The following CALN1 variants were observed in gnomAD, a reference collection of about 807,000 sequenced individuals.
CALN1 encodes the protein calneuron 1.
Under a neutral mutation model 30.6 loss-of-function variants are expected in CALN1, and 17 were observed. The observed-to-expected ratio is 0.56, with a 90% CI of 0.38 to 0.83. CALN1 has a LOEUF of 0.83. Among genes scored for constraint, CALN1 ranks in the 40% least tolerant of loss-of-function variants. The pLI, the probability that CALN1 is intolerant of heterozygous loss-of-function variation, is 0.00. For synonymous variants in CALN1, 156 were observed against 131.4 expected, an observed-to-expected ratio of 1.19 and a Z score of -1.28; for missense variants, 291 against 354.9, an observed-to-expected ratio of 0.82 and a Z score of 1.45.
chr7:72,410,522 C>A (rs1280665491), intron 1 of CALN1, among the ~76,000 whole-genome samples: 1 of 152,116 alleles, frequency 6.6e-6, no homozygotes, highest in Non-Finnish European at 1.5e-5. Flanking sequence ...ACAAGCAAAG[C>A]CAAAATTTTA....
At chr7:72,365,059 C>A (rs981823443) in intron 2 of CALN1, among the ~76,000 whole-genome samples, 1 of 151,958 alleles carries the variant, frequency 6.6e-6, no homozygotes, top group African/African-American at 2.4e-5. Flanking sequence ...AATCCCAGCA[C>A]TTTGGGAGGC....
the CALN1 span, among the ~76,000 whole-genome samples, chr7:72,486,901 T>C: frequency 6.6e-6 from 1 of 152,222 alleles, no homozygotes; most frequent in Admixed American, 6.5e-5. Flanking sequence ...AGTTATATAG[T>C]TATAGAATGC....
chr7:72,204,530 T>C (rs1791691012), intron 3 of CALN1, among the ~76,000 whole-genome samples: 1 of 152,170 alleles, frequency 6.6e-6, no homozygotes, highest in African/African-American at 2.4e-5. Context: ...CAATATACTA[T>C]GTAATGTGGC....
At chr7:72,501,931 ATAT>A in the CALN1 span, among the ~76,000 whole-genome samples, 1 of 82,118 alleles carries the variant, frequency 1.2e-5, no homozygotes, top group African/African-American at 6.7e-5. Context: ...AAAAAAAAAT[ATAT>A]ATATATATAT....
intron 2 of CALN1, among the ~76,000 whole-genome samples, chr7:72,370,613 C>T (rs375493803): frequency 2.7e-5 from 4 of 150,784 alleles, no homozygotes; most frequent in East Asian, 3.9e-4. Flanking sequence ...GCCGAGATCA[C>T]GCCACTGCAC....
chr7:72,188,465 A>G (rs1790363785), intron 3 of CALN1, among the ~76,000 whole-genome samples: 1 of 152,000 alleles, frequency 6.6e-6, no homozygotes, highest in South Asian at 2.1e-4. Flanking sequence ...AAAACCAAAC[A>G]TCGTATGTTC....
chr7:72,269,783 A>G (rs370661628), intron 3 of CALN1, among the ~76,000 whole-genome samples: 11 of 152,344 alleles, frequency 7.2e-5, no homozygotes, highest in African/African-American at 2.4e-4. Flanking sequence ...CTATAGTCAA[A>G]TATTCACAGG....
rs371575844 is a variant in CALN1 at position 72,354,254 on chromosome 7, T to TTTAC, written c.119+48996_119+48997insGTAA. On this transcript the variant is annotated intron_variant, in intron 2 of 6. Transcript: ENST00000395275. Reference sequence around the variant, plus strand: ...TTATGGATAAGCTTAACAAAATAAGTGTAAGTTCTGTATACTAAAAACCTC... The same window carrying TTTAC: ...TTATGGATAAGCTTAACAAAATAAGTTTACGTAAGTTCTGTATACTAAAAACCTC... Among the ~76,000 whole-genome samples the TTTAC allele has an allele frequency of 1.4e-3, 220 of 152,188 alleles. 1 individual carries two copies. The Middle Eastern group carries it at 0.024, about 16-fold the overall frequency.
chr7:71,845,747 C>T (rs968598674), intron 5 of CALN1, among the ~76,000 whole-genome samples: 1 of 152,040 alleles, frequency 6.6e-6, no homozygotes, highest in Non-Finnish European at 1.5e-5. Context: ...CCTGGGATTT[C>T]CCGCTGGGTT....
chr7:72,268,215 C>T (rs959745179), intron 3 of CALN1, among the ~76,000 whole-genome samples: 1 of 152,012 alleles, frequency 6.6e-6, no homozygotes, highest in Non-Finnish European at 1.5e-5. Context: ...GTAGGGATTT[C>T]CCAGGCAGAC....
At chr7:72,456,913 T>A in the CALN1 span, among the ~76,000 whole-genome samples, 1 of 152,096 alleles carries the variant, frequency 6.6e-6, no homozygotes, top group South Asian at 2.1e-4. Context: ...GGGATCTGTC[T>A]TAGAGCCCAA....
intron 5 of CALN1, among the ~76,000 whole-genome samples, chr7:71,885,578 T>C (rs1202579810): frequency 6.6e-6 from 1 of 152,280 alleles, no homozygotes; most frequent in Non-Finnish European, 1.5e-5. Context: ...TGTTCACTCA[T>C]ATTTGACTCA....
chr7:71,909,031 C>T (rs138520574), intron 5 of CALN1, among the ~76,000 whole-genome samples: 131 of 152,228 alleles, frequency 8.6e-4, no homozygotes, highest in Middle Eastern at 3.4e-3. Context: ...GATTGACTGA[C>T]GGGCAGACAA....
intron 5 of CALN1, among the ~76,000 whole-genome samples, chr7:71,943,434 A>G (rs1796238567): frequency 6.6e-6 from 1 of 152,002 alleles, no homozygotes; most frequent in Non-Finnish European, 1.5e-5. Context: ...TTAAATGGGA[A>G]CAACAAAAGA....
rs79528203 is a variant in CALN1, at chr7:71,910,341, T to C, written c.502-99849A>G. Among the ~76,000 whole-genome samples, 654 of 152,336 alleles carry C rather than the reference T, an allele frequency of 4.3e-3. 3 individuals are homozygous for C. The highest frequency in any genetic ancestry group is 0.015 in the African/African-American group (630 of 41,572). ...CCACATCACTTCTGCCCAAGTTTCA[T>C]TAGCCAAATCAAGCCATACATCCAC... On this transcript the variant is annotated intron_variant, in intron 5 of 6. Coordinates refer to ENST00000395275, the MANE Select transcript of CALN1 (RefSeq NM_031468.4).
chr7:72,160,285 T>G (rs1448204518), intron 3 of CALN1, among the ~76,000 whole-genome samples: 11 of 147,914 alleles, frequency 7.4e-5, no homozygotes, highest in African/African-American at 2.8e-4. Flanking sequence ...TTTTTAGTTT[T>G]TTTTTTTTTT....
the CALN1 span, among the ~76,000 whole-genome samples, chr7:72,503,098 A>G: frequency 6.6e-6 from 1 of 152,122 alleles, no homozygotes; most frequent in East Asian, 1.9e-4. Context: ...GTGAGCTGAG[A>G]TCGTGCCACT....
At chr7:72,495,906 C>CTATTCCAATTTGT in the CALN1 span, among the ~76,000 whole-genome samples, 1 of 152,044 alleles carries the variant, frequency 6.6e-6, no homozygotes, top group Non-Finnish European at 1.5e-5. Context: ...TCTGTTTCTT[C>CTATTCCAATTTGT]TATTCCAATT....
chr7:72,412,094 G>A lies in CALN1; in HGVS notation c.-110C>T, dbSNP rs563699437. 1 of 152,204 alleles carries A rather than the reference G, an allele frequency of 6.6e-6. No homozygotes were observed. Among genetic ancestry groups the A allele is most frequent in the African/African-American group, 2.4e-5 (1 of 41,382 alleles). 9.4% of individuals were successfully genotyped at this position (152,204 alleles called of 1,614,324 possible). ...ATTTATTCCTTCTGCTGGGTTGTTG[G>A]TCTCGCCGACTTTAAGAATAAAACC... On this transcript the variant is annotated 5_prime_UTR_variant, in exon 1 of 7. Transcript: ENST00000395275.
Sources: allele counts gnomAD v4.1 joint callset (sites outside exome capture counted in the v4.1 genomes callset), GRCh38; gene constraint gnomAD v4.1.1; transcripts MANE v1.5; gene names NCBI Gene and HGNC (gene_info 2026-07-23, HGNC 2026-07-21).